PAX3: variants seen among roughly 807,000 people sequenced by gnomAD.
PAX3 encodes the protein paired box 3, also known as paired box protein Pax-3.
Under a neutral mutation model 51.6 loss-of-function variants are expected in PAX3, and 14 were observed. The observed-to-expected ratio is 0.27, with a 90% confidence interval of 0.18 to 0.42. PAX3 has a LOEUF of 0.42. Among genes scored for constraint, PAX3 ranks in the 10% least tolerant of loss-of-function variants. The pLI, the probability that PAX3 is intolerant of heterozygous loss-of-function variation, is 1.00. For missense variants in PAX3, 540 were observed against 642.8 expected (o/e 0.84, Z 1.73); for synonymous variants, 280 against 253.4 (o/e 1.11, Z -1.00).
chr2:222,268,730 G>A (rs1278127549), intron 4 of PAX3, among the ~76,000 whole-genome samples: 1 of 152,172 alleles, frequency 6.6e-6, no homozygotes, highest in Non-Finnish European at 1.5e-5. Flanking sequence ...TCCTAGATGA[G>A]TAAGCGTGTT....
At chr2:222,236,563 T>TA (rs1692804719) in intron 4 of PAX3, among the ~76,000 whole-genome samples, 1 of 152,196 alleles carries the variant, frequency 6.6e-6, no homozygotes, top group African/African-American at 2.4e-5. Context: ...ACACGGAAAG[T>TA]AAAAACAAGG....
intron 4 of PAX3, among the ~76,000 whole-genome samples, chr2:222,253,250 T>C (rs892757800): frequency 1.3e-5 from 2 of 152,310 alleles, no homozygotes; most frequent in Middle Eastern, 6.8e-3. Flanking sequence ...ACTCCACAGG[T>C]AGCTCTGAGG....
At chr2:222,292,972 T>C (rs975886359) in intron 4 of PAX3, among the ~76,000 whole-genome samples, 12 of 152,210 alleles carry the variant, frequency 7.9e-5, no homozygotes, top group African/African-American at 2.4e-4. Flanking sequence ...TGCATTGCTT[T>C]GTAAAGCAGC....
chr2:222,289,663 T>G (rs1694958885), intron 4 of PAX3, among the ~76,000 whole-genome samples: 2 of 152,256 alleles, frequency 1.3e-5, no homozygotes, highest in Non-Finnish European at 2.9e-5. Flanking sequence ...CTCTAGAAGG[T>G]AAGCACACAG....
In PAX3 at chr2:222,294,225, C is replaced by A; in HGVS notation, c.528G>T (p.Glu176Asp). ...EEEEADLERK[E>D]AEESEKKAKH... is the part of the protein sequence containing the mutation. The stretch of plus-strand genomic sequence containing the variant: ...TGGCCTTCTTCTCGCTTTCCTCTGC[C>A]TCCTTCCTCTCCAAGTCGGCCTCCT... Residue 176 changes from glutamate (E) to aspartate (D), a missense_variant, in exon 4 of 9, where the codon GAG (glutamate) becomes GAT (aspartate). By Grantham distance (45) the Glu-to-Asp change is conservative. This residue lies in a region of PAX3 where 427 missense variants were observed against 483.6 expected (regional missense o/e 0.88). Transcript: ENST00000392070. 6.2e-7 allele frequency: 1 copy of A among 1,614,280 alleles called. No homozygotes were observed. Among genetic ancestry groups the A allele is most frequent in the Non-Finnish European group, 8.5e-7 (1 of 1,180,048 alleles).
At chr2:222,217,135 C>T (rs1247293750) in intron 7 of PAX3, among the ~76,000 whole-genome samples, 1 of 152,126 alleles carries the variant, frequency 6.6e-6, no homozygotes. Context: ...AGGCAATATG[C>T]AAAGATACTC....
intron 5 of PAX3, among the ~76,000 whole-genome samples, chr2:222,227,193 C>T (rs1198447804): frequency 6.6e-6 from 1 of 152,174 alleles, no homozygotes; most frequent in Non-Finnish European, 1.5e-5. Context: ...TCTATTTCCC[C>T]TAGTAACTTG....
At chr2:222,282,056 T>G (rs999339072) in intron 4 of PAX3, among the ~76,000 whole-genome samples, 3 of 152,218 alleles carry the variant, frequency 2.0e-5, no homozygotes, top group African/African-American at 7.2e-5. Flanking sequence ...TTTCTTATTT[T>G]TTTAAAACCA....
rs545773421 is a variant in PAX3, at chr2:222,290,409, A to G, written c.586+3758T>C. ...TCAAATAAGAGGGAACAGATAGGAA[A>G]GGAATATAAGCCCCCAACAGACCTA... is the stretch of plus-strand genomic sequence containing the variant. On this transcript the variant is annotated intron_variant, in intron 4 of 8. Transcript: ENST00000392070. Among the ~76,000 whole-genome samples, 142 of 152,370 alleles carry G rather than the reference A, an allele frequency of 9.3e-4. 1 individual carries two copies. The highest frequency in any genetic ancestry group is 1.8e-3 in the Non-Finnish European group (120 of 68,028).
intron 4 of PAX3, among the ~76,000 whole-genome samples, chr2:222,242,066 A>G (rs1035131922): frequency 2.0e-5 from 3 of 152,300 alleles, no homozygotes; most frequent in Admixed American, 2.0e-4. Flanking sequence ...TTTTTTCAAC[A>G]TATCTTCTTC....
intron 5 of PAX3, among the ~76,000 whole-genome samples, chr2:222,231,527 A>C (rs983439414): frequency 1.3e-5 from 2 of 152,262 alleles, no homozygotes; most frequent in African/African-American, 4.8e-5. Context: ...CGTTAAATGA[A>C]GGAATTTCAT....
At chr2:222,243,720 C>T (rs1267379598) in intron 4 of PAX3, among the ~76,000 whole-genome samples, 1 of 152,180 alleles carries the variant, frequency 6.6e-6, no homozygotes, top group Non-Finnish European at 1.5e-5. Flanking sequence ...TTCTTTGCTT[C>T]CCATCTTCTC....
intron 4 of PAX3, among the ~76,000 whole-genome samples, chr2:222,279,554 C>G (rs933269063): frequency 6.6e-5 from 10 of 152,308 alleles, no homozygotes; most frequent in Admixed American, 5.9e-4. Context: ...AAAGCCTACA[C>G]TTGTTCTGGT....
chr2:222,274,532 T>G (rs201857972), intron 4 of PAX3, among the ~76,000 whole-genome samples: 4 of 113,174 alleles, frequency 3.5e-5, no homozygotes, highest in Admixed American at 3.2e-4. Flanking sequence ...AAGTTTTTTG[T>G]TTTTTTTTTT....
rs1241239868 is a variant in PAX3 at position 222,298,508 on chromosome 2, G to A, written c.85+23C>T. The A allele has an allele frequency of 3.2e-6, 5 of 1,574,822 alleles. No individual in the cohort carries two copies. The South Asian group carries it at 3.5e-5, about 11-fold the overall frequency. On this transcript the variant is annotated intron_variant, in intron 1 of 8. Transcript: ENST00000392070. ...CGGTCCCAGGCCCTGGGATCCAGGC[G>A]GCGCGCTGAGGCCCTCCCTTACCTT...
chr2:222,218,779 T>C (rs1438953231), intron 7 of PAX3, among the ~76,000 whole-genome samples: 2 of 152,230 alleles, frequency 1.3e-5, no homozygotes, highest in Admixed American at 1.3e-4. Flanking sequence ...TTGTTATTTT[T>C]CAGCTGAGGT....
chr2:222,226,769 T>C (rs1692401723), intron 5 of PAX3, among the ~76,000 whole-genome samples: 1 of 150,746 alleles, frequency 6.6e-6, no homozygotes, highest in African/African-American at 2.4e-5. Context: ...CCCTTGGGAA[T>C]CACCATTGTT....
intron 5 of PAX3, among the ~76,000 whole-genome samples, chr2:222,227,908 A>G (rs1692445946): frequency 6.6e-6 from 1 of 152,092 alleles, no homozygotes; most frequent in African/African-American, 2.4e-5. Flanking sequence ...TCCCATTTCT[A>G]TTTAGAAGAG....
At chr2:222,229,714 T>C (rs1692514586) in intron 5 of PAX3, among the ~76,000 whole-genome samples, 1 of 152,218 alleles carries the variant, frequency 6.6e-6, no homozygotes, top group African/African-American at 2.4e-5. Flanking sequence ...CCTTACATTC[T>C]AATCAAACTA....
Sources: allele counts gnomAD v4.1 joint callset (sites outside exome capture counted in the v4.1 genomes callset), GRCh38; gene constraint gnomAD v4.1.1; regional missense constraint gnomAD v4.1.1; transcripts MANE v1.5; gene names NCBI Gene and HGNC (gene_info 2026-07-23, HGNC 2026-07-21).